The following PTPRG variants were observed in gnomAD, a reference collection of about 807,000 sequenced individuals.
The protein encoded by PTPRG is receptor-type tyrosine-protein phosphatase gamma.
PTPRG carries 102 observed loss-of-function variants against 165.3 expected under a neutral mutation model. The observed-to-expected ratio is 0.62, with a 90% CI of 0.53 to 0.73. The LOEUF (loss-of-function observed/expected upper bound fraction) is 0.73. Ranked by LOEUF, PTPRG falls within the 30% of genes least tolerant of loss-of-function variation. The probability of loss-of-function intolerance (pLI) is 0.00; values close to 1 mark genes in which losing one functional copy is unlikely to be tolerated. For missense variants in PTPRG, 1,866 were observed against 1,861.4 expected, an observed-to-expected ratio of 1.00 and a Z score of -0.05; for synonymous variants, 675 against 669.5, an observed-to-expected ratio of 1.01 and a Z score of -0.13.
intron 2 of PTPRG, among the ~76,000 whole-genome samples, chr3:61,765,573 C>T (rs2033992119): frequency 1.3e-5 from 2 of 152,256 alleles, no homozygotes; most frequent in South Asian, 4.1e-4. Flanking sequence ...CTTGACATGT[C>T]ACTTCAGGGC....
chr3:61,917,555 A>G (rs914602547), intron 2 of PTPRG, among the ~76,000 whole-genome samples: 1 of 152,218 alleles, frequency 6.6e-6, no homozygotes, highest in Non-Finnish European at 1.5e-5. Context: ...GAGGGTCCTG[A>G]GAGCTAGACA....
At chr3:61,670,020 G>C (rs1271680173) in intron 1 of PTPRG, among the ~76,000 whole-genome samples, 1 of 152,134 alleles carries the variant, frequency 6.6e-6, no homozygotes, top group Non-Finnish European at 1.5e-5. Flanking sequence ...GTTTGACATT[G>C]GACACCTTGA....
intron 8 of PTPRG, among the ~76,000 whole-genome samples, chr3:62,170,327 G>C (rs893461519): frequency 7.2e-5 from 11 of 152,088 alleles, no homozygotes; most frequent in Non-Finnish European, 1.6e-4. Context: ...AGGTCTCCTG[G>C]GGATTTTGTG....
At chr3:61,975,597 A>C (rs1355852450) in intron 2 of PTPRG, among the ~76,000 whole-genome samples, 1 of 152,178 alleles carries the variant, frequency 6.6e-6, no homozygotes, top group African/African-American at 2.4e-5. Context: ...ACATCTCACC[A>C]TGGAAGTCCT....
At chr3:61,921,992 G>A (rs770117865) in intron 2 of PTPRG, among the ~76,000 whole-genome samples, 10 of 152,104 alleles carry the variant, frequency 6.6e-5, no homozygotes, top group Non-Finnish European at 1.3e-4. Flanking sequence ...AATGTATCAA[G>A]CATGACCCTA....
At chr3:61,637,736 G>A (rs1701953223) in intron 1 of PTPRG, among the ~76,000 whole-genome samples, 1 of 152,148 alleles carries the variant, frequency 6.6e-6, no homozygotes, top group Admixed American at 6.6e-5. Context: ...ATTTGTGTGT[G>A]TGTGTTTATC....
chr3:61,820,592 C>A (rs1399870694), intron 2 of PTPRG, among the ~76,000 whole-genome samples: 1 of 132,260 alleles, frequency 7.6e-6, no homozygotes, highest in Non-Finnish European at 1.6e-5. Context: ...ATTTCTTGTT[C>A]CTGTGTCTCT....
chr3:62,213,875 G>A lies in PTPRG; in HGVS notation c.2156-4976G>A, dbSNP rs891246789. On this transcript the variant is annotated intron_variant, in intron 12 of 29. Coordinates refer to ENST00000474889, the MANE Select transcript of PTPRG (RefSeq NM_002841.4). The surrounding 1 kb of genome is among the most constrained non-coding windows in gnomAD (Gnocchi z 4.4). The stretch of plus-strand genomic sequence containing the variant: ...CACAAATTGAGTCAGGGAGCAGGAC[G>A]GGTATTTCTTCTGAAGGACACAGCA... 3.9e-5 allele frequency among the ~76,000 whole-genome samples: 6 copies of A among 152,112 alleles called. No homozygotes were observed. The highest frequency in any genetic ancestry group is 7.2e-5 in the African/African-American group (3 of 41,414).
At chr3:62,073,442 G>T (rs539189720) in intron 4 of PTPRG, among the ~76,000 whole-genome samples, 2 of 152,162 alleles carry the variant, frequency 1.3e-5, no homozygotes, top group Admixed American at 6.5e-5. Flanking sequence ...GGATAAACCC[G>T]CATAAATGTG....
At chr3:62,207,713 T>C (rs1314417355) in intron 12 of PTPRG, among the ~76,000 whole-genome samples, 2 of 152,212 alleles carry the variant, frequency 1.3e-5, no homozygotes, top group Non-Finnish European at 2.9e-5. Context: ...TTTCATAACA[T>C]ATTTTTAAGT....
At chr3:61,882,903 GCTGCCATCTCAGGCCT>G (rs1207876480) in intron 2 of PTPRG, among the ~76,000 whole-genome samples, 2 of 152,080 alleles carry the variant, frequency 1.3e-5, no homozygotes, top group African/African-American at 2.4e-5. Flanking sequence ...CATTTCCTCT[GCTGCCATCTCAGGCCT>G]CTGCCATCTT....
At chr3:62,277,749 T>C in intron 26 of PTPRG, 70 bp downstream of exon 26, 1 of 1,584,040 alleles carries the variant, frequency 6.3e-7, no homozygotes, top group Non-Finnish European at 8.6e-7. Flanking sequence ...TTTGATACTT[T>C]GCCATAGGGC....
At chr3:62,059,569 G>A (rs1364967639) in intron 4 of PTPRG, among the ~76,000 whole-genome samples, 2 of 152,218 alleles carry the variant, frequency 1.3e-5, no homozygotes, top group Admixed American at 6.5e-5. Flanking sequence ...TGGGCACAGT[G>A]GCTCACGCCT....
chr3:61,576,619 G>A (rs1700177972), intron 1 of PTPRG, among the ~76,000 whole-genome samples: 1 of 152,156 alleles, frequency 6.6e-6, no homozygotes, highest in African/African-American at 2.4e-5. Context: ...GAGGACTTTT[G>A]TGCCATCTCT....
At chr3:62,169,123 C>A (rs183188176) in intron 8 of PTPRG, among the ~76,000 whole-genome samples, 1 of 151,988 alleles carries the variant, frequency 6.6e-6, no homozygotes, top group Middle Eastern at 3.2e-3. Context: ...TACAGGATAG[C>A]GGGATATGGC....
intron 4 of PTPRG, among the ~76,000 whole-genome samples, chr3:62,072,768 G>T (rs1701252833): frequency 6.6e-6 from 1 of 152,054 alleles, no homozygotes; most frequent in African/African-American, 2.4e-5. Flanking sequence ...GCTTGGAATA[G>T]GTTCATCGAC....
At position 61,695,023 on chromosome 3, in the gene PTPRG, T is replaced by C. The variant is rs140413798; in HGVS notation, c.86-53855T>C. Among the ~76,000 whole-genome samples the C allele has an allele frequency of 1.6e-3, 251 of 152,178 alleles. 1 individual carries two copies. Among genetic ancestry groups the C allele is most frequent in the Middle Eastern group, 0.01 (3 of 294 alleles). On this transcript the variant is annotated intron_variant, in intron 1 of 29. Coordinates refer to ENST00000474889, the MANE Select transcript of PTPRG (RefSeq NM_002841.4). ...TTGGCTTTTTTTCTTTTTCTTTTTT[T>C]TTTTGAGACAGAGTTTTGCTCTTGT...
chr3:62,174,176 T>C (rs979156590), intron 8 of PTPRG, among the ~76,000 whole-genome samples: 2 of 152,242 alleles, frequency 1.3e-5, no homozygotes, highest in Admixed American at 1.3e-4. Context: ...TGCTGAATAC[T>C]GTCTATTGTG....
intron 14 of PTPRG, 27 bp downstream of exon 14, chr3:62,231,338 G>T: frequency 6.6e-7 from 1 of 1,522,160 alleles, no homozygotes; most frequent in Non-Finnish European, 8.8e-7. Context: ...CTTAAGTGGG[G>T]GGCGTCTTGA....
Sources: gnomAD v4.1 joint callset for allele counts (sites outside exome capture counted in the v4.1 genomes callset) on GRCh38, gnomAD v4.1.1 for gene constraint, Gnocchi (gnomAD v3.1) non-coding constraint, MANE v1.5 for transcripts, NCBI Gene and HGNC (gene_info 2026-07-23, HGNC 2026-07-21) for gene names.